CCDC93: variants seen among roughly 807,000 people sequenced by gnomAD.
The protein encoded by CCDC93 is CCC complex scaffolding subunit CCDC93, also known as coiled-coil domain-containing protein 93.
Under a neutral mutation model 108.2 loss-of-function variants are expected in CCDC93, and 61 were observed. That is an observed-to-expected ratio of 0.56 (90% CI 0.46 to 0.70). CCDC93 has a LOEUF of 0.70. CCDC93 is among the 30% of genes least tolerant of loss of function. The pLI is 0.00. For missense variants in CCDC93, 685 were observed against 764.2 expected (o/e 0.90, Z 1.22); for synonymous variants, 276 against 260.4 (o/e 1.06, Z -0.58).
chr2:117,948,464 T>C lies in CCDC93; in HGVS notation c.1143-278A>G, dbSNP rs1226630222. Among the ~76,000 whole-genome samples the C allele has an allele frequency of 2.0e-5, 3 of 152,250 alleles. No homozygotes were observed. In the East Asian group the frequency reaches 5.8e-4, roughly 29 times the overall value. On this transcript the variant is annotated intron_variant, in intron 14 of 23. Transcript: ENST00000376300. ...TAGAAACATCAATGAGTTTCAATAG[T>C]ACCAGGTATATTTAATGATACCAAT...
chr2:118,013,820 C>T (rs1054766667), intron 1 of CCDC93, 134 bp downstream of exon 1: 1 of 773,628 alleles, frequency 1.3e-6, no homozygotes, highest in Non-Finnish European at 2.0e-6. Flanking sequence ...GTCGGCGCTT[C>T]CCTGAGGTGG....
chr2:117,935,630 G>T, intron 21 of CCDC93, 51 bp from the exon 22 acceptor site: 1 of 1,317,314 alleles, frequency 7.6e-7, no homozygotes, highest in South Asian at 1.2e-5. Flanking sequence ...CTCTGAGGCA[G>T]GGGGAAATGC....
chr2:117,983,633 TATATATATA>T (rs1680221048), intron 7 of CCDC93, among the ~76,000 whole-genome samples: 141 of 115,682 alleles, frequency 1.2e-3, no homozygotes, highest in African/African-American at 4.9e-3. Flanking sequence ...CTCAAAATTA[TATATATATA>T]TATATATATA....
At position 117,915,784 on chromosome 2, in the gene CCDC93, A is replaced by T. The variant is rs1573448371; in HGVS notation, c.*4559T>A. The T allele has an allele frequency of 6.6e-6, 1 of 152,186 alleles. No individual in the cohort carries two copies. Among genetic ancestry groups the T allele is most frequent in the Non-Finnish European group, 1.5e-5 (1 of 68,006 alleles). The allele number at this position is 152,186 out of a possible 1,614,324, so 9.4% of individuals were successfully genotyped here. On this transcript the variant is annotated 3_prime_UTR_variant, in exon 24 of 24. Coordinates refer to ENST00000376300, the MANE Select transcript of CCDC93 (RefSeq NM_019044.5). ...TATACGTCTGTGTGAAAACATATGC[A>T]CACACATACATCTACACACTTTCTC...
chr2:117,944,173 C>A, intron 17 of CCDC93, 87 bp from the exon 18 acceptor site: 4 of 926,218 alleles, frequency 4.3e-6, no homozygotes, highest in Non-Finnish European at 6.5e-6. Context: ...ATGTTTTTAT[C>A]ATATCTCCCC....
intron 15 of CCDC93, 110 bp downstream of exon 15, chr2:117,947,995 A>G (rs1678930713): frequency 2.3e-6 from 2 of 882,728 alleles, no homozygotes; most frequent in South Asian, 3.1e-5. Flanking sequence ...CGCCTGGCCA[A>G]ATCTGCTTTT....
At chr2:118,006,109 G>C (rs769949631) in intron 3 of CCDC93, among the ~76,000 whole-genome samples, 2 of 152,076 alleles carry the variant, frequency 1.3e-5, no homozygotes, top group Non-Finnish European at 2.9e-5. Context: ...CCTTTTGGAA[G>C]TGTTTTCTCT....
chr2:118,008,172 G>A (rs987069054), intron 2 of CCDC93, among the ~76,000 whole-genome samples: 1 of 152,118 alleles, frequency 6.6e-6, no homozygotes, highest in Admixed American at 6.5e-5. Context: ...TTTACTATCC[G>A]CAGAATATCT....
intron 17 of CCDC93, chr2:117,944,772 C>T (rs1264665473): frequency 2.1e-6 from 1 of 471,096 alleles, no homozygotes; most frequent in Non-Finnish European, 4.4e-6. Flanking sequence ...ACAGACTTCA[C>T]TGGAAGAGTG....
In CCDC93 at chr2:117,918,946, G is replaced by C. The variant is rs967261667; in HGVS notation, c.*1397C>G. 1 of 152,204 alleles carries C rather than the reference G, an allele frequency of 6.6e-6. No individual in the cohort carries two copies. Among genetic ancestry groups the C allele is most frequent in the African/African-American group, 2.4e-5 (1 of 41,432 alleles). 9.4% of individuals were successfully genotyped at this position (152,204 alleles called of 1,614,324 possible). ...GCCCTGCTTAATCACATCCATTAGG[G>C]ACTAAAAATGAACACATTTCTGTGG... On this transcript the variant is annotated 3_prime_UTR_variant, in exon 24 of 24. Coordinates refer to ENST00000376300, the MANE Select transcript of CCDC93 (RefSeq NM_019044.5).
At chr2:117,945,699 G>A in intron 16 of CCDC93, 117 bp from the exon 17 acceptor site, 2 of 785,360 alleles carry the variant, frequency 2.5e-6, no homozygotes, top group Non-Finnish European at 4.4e-6. Context: ...GCTGAGAAAT[G>A]TGTTGATGTC....
At chr2:117,986,776 G>C (rs555228670) in intron 6 of CCDC93, among the ~76,000 whole-genome samples, 2 of 152,288 alleles carry the variant, frequency 1.3e-5, no homozygotes, top group South Asian at 4.1e-4. Context: ...CTGAGATGAT[G>C]CTAAAGGTTG....
chr2:117,943,444 AAAGT>A (rs1678768972), intron 18 of CCDC93, among the ~76,000 whole-genome samples: 1 of 152,200 alleles, frequency 6.6e-6, no homozygotes, highest in Admixed American at 6.5e-5. Context: ...TCAGCTCAGC[AAAGT>A]AAGTAGGTGC....
chr2:118,001,015 A>G, intron 3 of CCDC93, 83 bp from the exon 4 acceptor site: 1 of 825,738 alleles, frequency 1.2e-6, no homozygotes, highest in Non-Finnish European at 2.1e-6. Context: ...AGCATCACAG[A>G]CGGATCTGGG....
At chr2:118,002,224 T>C (rs1349458680) in intron 3 of CCDC93, among the ~76,000 whole-genome samples, 1 of 152,220 alleles carries the variant, frequency 6.6e-6, no homozygotes, top group African/African-American at 2.4e-5. Flanking sequence ...AAAGTGTTTC[T>C]TGTTCAGAGA....
chr2:117,967,434 A>C (rs1248198940), intron 11 of CCDC93, among the ~76,000 whole-genome samples: 2 of 152,208 alleles, frequency 1.3e-5, no homozygotes, highest in Non-Finnish European at 2.9e-5. Flanking sequence ...GCCTGGGCTG[A>C]GCTGCACCAT....
chr2:117,971,334 T>G (rs959762489), intron 11 of CCDC93, among the ~76,000 whole-genome samples: 1 of 152,116 alleles, frequency 6.6e-6, no homozygotes, highest in African/African-American at 2.4e-5. Flanking sequence ...CTGCACTCTT[T>G]GCCTGGGCAA....
chr2:117,986,103 G>A, intron 6 of CCDC93, 34 bp from the exon 7 acceptor site: 1 of 1,315,028 alleles, frequency 7.6e-7, no homozygotes, highest in Non-Finnish European at 1.1e-6. Flanking sequence ...TACTGAGTGT[G>A]AGAAGGCTCT....
chr2:117,945,481 C>G (rs779285211), intron 17 of CCDC93, 48 bp downstream of exon 17: 1 of 1,529,112 alleles, frequency 6.5e-7, no homozygotes. Context: ...GAAAGCTGGC[C>G]GCCTGCCCTC....
Sources: allele counts gnomAD v4.1 joint callset (sites outside exome capture counted in the v4.1 genomes callset), GRCh38; gene constraint gnomAD v4.1.1; transcripts MANE v1.5; gene names NCBI Gene and HGNC (gene_info 2026-07-23, HGNC 2026-07-21).